CCSER1: variants seen among roughly 807,000 people sequenced by gnomAD.
CCSER1 encodes serine-rich coiled-coil domain-containing protein 1.
A neutral mutation model predicts 82.0 loss-of-function variants in CCSER1; 41 were observed. That is an observed-to-expected ratio of 0.50 (90% CI 0.39 to 0.65). The LOEUF (loss-of-function observed/expected upper bound fraction) is 0.65, where lower values mean the gene tolerates loss of function less well. Ranked by LOEUF, CCSER1 falls within the 30% of genes least tolerant of loss-of-function variation. The probability of loss-of-function intolerance (pLI) is 0.00; values close to 1 mark genes in which losing one functional copy is unlikely to be tolerated. For missense variants in CCSER1, 1,119 were observed against 1,064.2 expected (o/e 1.05, Z -0.72); for synonymous variants, 414 against 383.9 (o/e 1.08, Z -0.92).
chr4:91,234,200 A>G (rs1738832506), intron 10 of CCSER1, among the ~76,000 whole-genome samples: 3 of 152,060 alleles, frequency 2.0e-5, no homozygotes, highest in African/African-American at 7.2e-5. Context: ...TTTTCCAGTC[A>G]GGTCTCCTTG....
intron 10 of CCSER1, among the ~76,000 whole-genome samples, chr4:91,218,008 C>T (rs972091192): frequency 6.6e-6 from 1 of 152,214 alleles, no homozygotes; most frequent in Non-Finnish European, 1.5e-5. Flanking sequence ...GACTGGGCGC[C>T]GTGGAGCAGG....
intron 7 of CCSER1, among the ~76,000 whole-genome samples, chr4:90,805,153 A>G (rs982160036): frequency 8.5e-5 from 13 of 152,200 alleles, no homozygotes; most frequent in African/African-American, 3.1e-4. Flanking sequence ...TTAAAACTAT[A>G]ATTTTATTTA....
At chr4:90,305,904 A>C (rs1175389474) in intron 1 of CCSER1, among the ~76,000 whole-genome samples, 2 of 152,200 alleles carry the variant, frequency 1.3e-5, no homozygotes, top group Non-Finnish European at 2.9e-5. Flanking sequence ...ATTATTCATG[A>C]TAGCCAAGAT....
chr4:90,800,617 G>A (rs1756675710), intron 7 of CCSER1, among the ~76,000 whole-genome samples: 1 of 152,156 alleles, frequency 6.6e-6, no homozygotes, highest in African/African-American at 2.4e-5. Flanking sequence ...GACAGTGTAA[G>A]TTATCGCTTT....
chr4:91,588,569 C>CTTCAT (rs138414416), intron 10 of CCSER1, among the ~76,000 whole-genome samples: 14,941 of 151,608 alleles, frequency 0.099, 739 homozygotes, highest in Middle Eastern at 0.16. Context: ...GTGGATATTA[C>CTTCAT]TTCAATTCCC....
intron 1 of CCSER1, among the ~76,000 whole-genome samples, chr4:90,232,266 A>G (rs951504726): frequency 6.6e-6 from 1 of 151,534 alleles, no homozygotes; most frequent in Non-Finnish European, 1.5e-5. Context: ...TACCGGTACC[A>G]AAACAGAGAT....
intron 10 of CCSER1, among the ~76,000 whole-genome samples, chr4:91,441,056 T>G (rs1019434385): frequency 2.6e-5 from 4 of 152,036 alleles, no homozygotes; most frequent in African/African-American, 4.8e-5. Flanking sequence ...GAGGAACTGG[T>G]ACCATTCCTT....
intron 9 of CCSER1, among the ~76,000 whole-genome samples, chr4:90,957,246 C>A (rs1340785678): frequency 5.8e-4 from 9 of 15,446 alleles, no homozygotes; most frequent in Admixed American, 1.3e-3. Flanking sequence ...GGATTACAGG[C>A]CCCCCCCACC....
intron 9 of CCSER1, among the ~76,000 whole-genome samples, chr4:91,034,654 C>T (rs899963198): frequency 2.6e-5 from 4 of 152,080 alleles, no homozygotes; most frequent in East Asian, 1.9e-4. Flanking sequence ...CTATAAGTTA[C>T]TTAATTTAGA....
chr4:90,169,846 C>G (rs1214504334), intron 1 of CCSER1, among the ~76,000 whole-genome samples: 3 of 151,846 alleles, frequency 2.0e-5, no homozygotes, highest in Non-Finnish European at 1.5e-5. Context: ...TAGTGTCCCT[C>G]TCACGTTTTA....
At chr4:90,996,912 A>T (rs1440390169) in intron 9 of CCSER1, among the ~76,000 whole-genome samples, 1 of 152,120 alleles carries the variant, frequency 6.6e-6, no homozygotes, top group Non-Finnish European at 1.5e-5. Flanking sequence ...CTTAAAGGAC[A>T]TTTGGATTAC....
chr4:91,211,517 A>C (rs768005706), intron 10 of CCSER1, among the ~76,000 whole-genome samples: 13 of 152,136 alleles, frequency 8.5e-5, no homozygotes, highest in Non-Finnish European at 1.9e-4. Context: ...TTATTGAGAA[A>C]TAAACTATTC....
intron 8 of CCSER1, among the ~76,000 whole-genome samples, chr4:90,861,926 A>ATATAT (rs1486179354): frequency 0.076 from 9,556 of 125,298 alleles, 465 homozygotes; most frequent in South Asian, 0.16. Context: ...ATATATATAT[A>ATATAT]TTTTTTTTTT....
intron 5 of CCSER1, among the ~76,000 whole-genome samples, chr4:90,608,118 G>A (rs6835553): frequency 0.078 from 11,852 of 152,152 alleles, 515 homozygotes; most frequent in Middle Eastern, 0.15. Flanking sequence ...TAAGAACAAG[G>A]CTAGATTAAT....
At chr4:91,502,568 T>C (rs1169420024) in intron 10 of CCSER1, among the ~76,000 whole-genome samples, 2 of 152,072 alleles carry the variant, frequency 1.3e-5, no homozygotes, top group Non-Finnish European at 2.9e-5. Context: ...CCTGGTGGAG[T>C]TGATGAAGTT....
At chr4:91,435,871 C>G (rs986680275) in intron 10 of CCSER1, among the ~76,000 whole-genome samples, 2 of 152,154 alleles carry the variant, frequency 1.3e-5, no homozygotes, top group Non-Finnish European at 2.9e-5. Flanking sequence ...TTGAATCAAA[C>G]CACTATGTTG....
Position 91,036,275 on chromosome 4 carries a change from T to C in CCSER1, c.2173-49675T>C, listed in dbSNP as rs539605079. On this transcript the variant is annotated intron_variant, in intron 9 of 10. Coordinates refer to ENST00000509176, the MANE Select transcript of CCSER1 (RefSeq NM_001145065.2). Reference sequence around the variant, plus strand: ...GAAACAGTATTTTGTAACATTCTTATTTACATAGGAATGTAAGTAAGATTG... The same window carrying C: ...GAAACAGTATTTTGTAACATTCTTACTTACATAGGAATGTAAGTAAGATTG... 1.6e-3 allele frequency among the ~76,000 whole-genome samples: 241 copies of C among 152,340 alleles called. 3 individuals carry two copies. Among genetic ancestry groups the C allele is most frequent in the Non-Finnish European group, 2.1e-4 (14 of 68,032 alleles).
At chr4:90,129,144 C>T (rs1284116493) in intron 1 of CCSER1, among the ~76,000 whole-genome samples, 2 of 151,788 alleles carry the variant, frequency 1.3e-5, no homozygotes, top group South Asian at 4.1e-4. Flanking sequence ...ATCCTCCCTT[C>T]TCTGCCCCTC....
At chr4:90,220,497 T>C (rs1487080845) in intron 1 of CCSER1, among the ~76,000 whole-genome samples, 1 of 152,050 alleles carries the variant, frequency 6.6e-6, no homozygotes, top group East Asian at 1.9e-4. Flanking sequence ...AAGCTATCAC[T>C]CTTAGATTTT....
Sources: gnomAD v4.1 joint callset for allele counts (sites outside exome capture counted in the v4.1 genomes callset) on GRCh38, gnomAD v4.1.1 for gene constraint, MANE v1.5 for transcripts, NCBI Gene and HGNC (gene_info 2026-07-23, HGNC 2026-07-21) for gene names.